LAMA3: variants seen among roughly 807,000 people sequenced by gnomAD.
LAMA3 encodes laminin subunit alpha-3.
Under a neutral mutation model 402.0 loss-of-function variants are expected in LAMA3, and 281 were observed. The observed-to-expected ratio is 0.70, with a 90% CI of 0.63 to 0.77. The LOEUF (loss-of-function observed/expected upper bound fraction) is 0.77. LAMA3 is among the 30% of genes least tolerant of loss of function. LAMA3 has a pLI of 0.00. For missense variants in LAMA3, 3,840 were observed against 4,215.5 expected (o/e 0.91, Z 2.47); for synonymous variants, 1,431 against 1,558.4 (o/e 0.92, Z 1.93).
chr18:23,782,406 A>C (rs1346793096), intron 11 of LAMA3, among the ~76,000 whole-genome samples: 1 of 152,130 alleles, frequency 6.6e-6, no homozygotes, highest in Non-Finnish European at 1.5e-5. Flanking sequence ...AAATACAAAA[A>C]TTAGTCAGAT....
chr18:23,736,474 G>A (rs1381596390), intron 2 of LAMA3, among the ~76,000 whole-genome samples: 1 of 150,896 alleles, frequency 6.6e-6, no homozygotes, highest in South Asian at 2.1e-4. Context: ...ATTGCCTTGG[G>A]GGAAATCATA....
intron 15 of LAMA3, 135 bp from the exon 16 acceptor site, chr18:23,815,053 T>A: frequency 1.3e-6 from 1 of 773,366 alleles, no homozygotes; most frequent in Non-Finnish European, 2.3e-6. Flanking sequence ...GCCTCAGCGA[T>A]GCAAACTCTC....
intron 68 of LAMA3, among the ~76,000 whole-genome samples, chr18:23,941,334 C>CCG (rs1555750123): frequency 6.9e-6 from 1 of 144,842 alleles, no homozygotes; most frequent in Non-Finnish European, 1.5e-5. Flanking sequence ...GCGCCCCCCC[C>CCG]CCGCCCGGCA....
intron 32 of LAMA3, among the ~76,000 whole-genome samples, chr18:23,847,869 T>G (rs2063855539): frequency 6.6e-6 from 1 of 152,230 alleles, no homozygotes. Context: ...AGAGCCTGTG[T>G]GGACAGATTA....
Position 23,954,886 on chromosome 18 carries a change from T to C in LAMA3, c.*238T>C, listed in dbSNP as rs2083059310. On this transcript the variant is annotated 3_prime_UTR_variant, in exon 75 of 75. Coordinates refer to ENST00000313654, the MANE Select transcript of LAMA3 (RefSeq NM_198129.4). ...AAAAAAATTGTTATTCAAATTGTTA[T>C]GCACAGAATGTTTTTGGTAATATTA... 2 of 514,714 alleles carry C rather than the reference T, an allele frequency of 3.9e-6. No homozygotes were observed. The highest frequency in any genetic ancestry group is 1.9e-5 in the African/African-American group (1 of 52,370). 31.9% of individuals were successfully genotyped at this position (514,714 alleles called of 1,614,324 possible). A position where few individuals can be genotyped will look rare whatever the true frequency, so the allele number is the denominator to read the frequency against.
At chr18:23,769,904 T>C (rs1330725681) in intron 8 of LAMA3, among the ~76,000 whole-genome samples, 1 of 152,114 alleles carries the variant, frequency 6.6e-6, no homozygotes, top group Non-Finnish European at 1.5e-5. Context: ...TGAAAGTAAA[T>C]GAATGGGAAA....
At chr18:23,775,487 AC>A (rs1205819855) in intron 9 of LAMA3, among the ~76,000 whole-genome samples, 1 of 150,270 alleles carries the variant, frequency 6.7e-6, no homozygotes, top group East Asian at 2.0e-4. Flanking sequence ...CCCACCCCCA[AC>A]CCCTCTGACT....
At chr18:23,825,632 A>G (rs985210330) in intron 21 of LAMA3, among the ~76,000 whole-genome samples, 1 of 151,856 alleles carries the variant, frequency 6.6e-6, no homozygotes, top group Non-Finnish European at 1.5e-5. Context: ...GCATCTTCTT[A>G]GTAGGAAGCT....
intron 2 of LAMA3, among the ~76,000 whole-genome samples, chr18:23,721,489 A>C (rs1445271800): frequency 1.3e-5 from 2 of 152,174 alleles, no homozygotes; most frequent in East Asian, 3.9e-4. Context: ...GCAAGACTAG[A>C]AGTGGCACAT....
rs1483330447 is a variant in LAMA3, at chr18:23,903,951, G to T, written c.6337G>T (p.Ala2113Ser). Residue 2113 changes from alanine to serine, a missense_variant, in exon 50 of 75, where the codon GCC becomes TCC. Ala to Ser is a moderately conservative substitution (Grantham distance 99). Transcript: ENST00000313654. ...AAAATAGGAATATGAAAAATTAGCT[G>T]CCAGTTTAAATGAAGCAAGACAAGA... Reference protein sequence around the residue: ...KSQKEYEKLAASLNEARQELS... With the variant: ...KSQKEYEKLASSLNEARQELS... 1 of 1,612,988 alleles carries T rather than the reference G, an allele frequency of 6.2e-7. No individual in the cohort carries two copies. Among genetic ancestry groups the T allele is most frequent in the Non-Finnish European group, 8.5e-7 (1 of 1,179,344 alleles).
intron 63 of LAMA3, 74 bp from the exon 64 acceptor site, chr18:23,928,551 G>A: frequency 7.2e-7 from 1 of 1,391,626 alleles, no homozygotes; most frequent in Non-Finnish European, 1.0e-6. Context: ...AGTAAAGTGA[G>A]ATAGGGTAAG....
At chr18:23,698,810 T>C (rs1040708482) in intron 1 of LAMA3, among the ~76,000 whole-genome samples, 1 of 152,204 alleles carries the variant, frequency 6.6e-6, no homozygotes, top group Non-Finnish European at 1.5e-5. Context: ...GGGCTGGAAG[T>C]ACAGTTACAA....
Position 23,888,220 on chromosome 18 carries a change from G to A in LAMA3, c.5304-1791G>A, listed in dbSNP as rs183920192. On this transcript the variant is annotated intron_variant, in intron 41 of 74. Coordinates refer to ENST00000313654, the MANE Select transcript of LAMA3 (RefSeq NM_198129.4). ...TAGTAGACTTAAATAGGCCACCTCAGCCTAGTTACCTTCTGGATTATTAGG... is the reference window on the plus strand; with the variant it reads ...TAGTAGACTTAAATAGGCCACCTCAACCTAGTTACCTTCTGGATTATTAGG... Among the ~76,000 whole-genome samples the A allele has an allele frequency of 3.3e-5, 5 of 152,216 alleles. No homozygotes were observed. The East Asian group carries it at 7.7e-4, about 23-fold the overall frequency.
At chr18:23,718,819 T>C (rs1219038178) in intron 2 of LAMA3, among the ~76,000 whole-genome samples, 1 of 152,230 alleles carries the variant, frequency 6.6e-6, no homozygotes, top group Non-Finnish European at 1.5e-5. Context: ...GCTTCCTGCC[T>C]GAAGGCTCTT....
At chr18:23,890,187 A>G in intron 42 of LAMA3, 70 bp downstream of exon 42, 2 of 994,392 alleles carry the variant, frequency 2.0e-6, no homozygotes, top group Non-Finnish European at 3.2e-6. Flanking sequence ...CTAAGAACCC[A>G]AGCACACATC....
chr18:23,889,688 G>A (rs2080579844), intron 41 of LAMA3, among the ~76,000 whole-genome samples: 1 of 87,560 alleles, frequency 1.1e-5, no homozygotes. Flanking sequence ...AAGGAAGGAA[G>A]GAAGGAAGGG....
chr18:23,872,850 C>G, intron 38 of LAMA3: 1 of 615,628 alleles, frequency 1.6e-6, no homozygotes, highest in Middle Eastern at 4.4e-4. Flanking sequence ...AATTACAGAG[C>G]GGTGCGCTTA....
Position 23,775,830 on chromosome 18 carries a change from C to G in LAMA3, c.1312C>G (p.Gln438Glu), listed in dbSNP as rs745579328. Residue 438 changes from glutamine to glutamate, a missense_variant, in exon 10 of 75, where the codon CAG becomes GAG. Physicochemically the swap from Gln to Glu is conservative, Grantham distance 29. Around this residue, in one of 3 missense-constraint regions of LAMA3, gnomAD observed 2,109 missense variants for 2,376.0 expected, o/e 0.89. Transcript: ENST00000313654. ...CDPEHADGCEQGSGRCHCKPN... is the reference protein window; with the variant it reads ...CDPEHADGCEEGSGRCHCKPN... ...CCCTGAGCATGCGGATGGCTGTGAA[C>G]AGGGTTCAGGCCGCTGTCACTGCAA... is the stretch of plus-strand genomic sequence containing the variant. The G allele has an allele frequency of 6.2e-7, 1 of 1,614,008 alleles. No individual in the cohort carries two copies. The highest frequency in any genetic ancestry group is 8.5e-7 in the Non-Finnish European group (1 of 1,179,888).
chr18:23,830,141 A>C (rs1420001803), intron 23 of LAMA3, among the ~76,000 whole-genome samples: 1 of 151,942 alleles, frequency 6.6e-6, no homozygotes, highest in Non-Finnish European at 1.5e-5. Context: ...ATGTTTTATC[A>C]CCTATTACTT....
Sources: allele counts gnomAD v4.1 joint callset (sites outside exome capture counted in the v4.1 genomes callset), GRCh38; gene constraint gnomAD v4.1.1; regional missense constraint gnomAD v4.1.1; transcripts MANE v1.5; gene names NCBI Gene and HGNC (gene_info 2026-07-23, HGNC 2026-07-21).